DBF4B: variants seen among roughly 807,000 people sequenced by gnomAD.
DBF4B encodes protein DBF4 homolog B.
In DBF4B, 49 loss-of-function variants were observed where a neutral mutation model predicts 53.4. The ratio of observed to expected loss-of-function variants is 0.92; its 90% CI spans 0.73 to 1.16. The LOEUF is 1.16. Ranked by LOEUF, DBF4B falls within the 50% of genes most tolerant of loss-of-function variation. The pLI is 0.00. For missense variants in DBF4B, 692 were observed against 775.0 expected, an observed-to-expected ratio of 0.89 and a Z score of 1.27; for synonymous variants, 257 against 288.7, an observed-to-expected ratio of 0.89 and a Z score of 1.11.
intron 2 of DBF4B, chr17:44,719,860 T>C (rs528594844): frequency 9.0e-6 from 2 of 221,630 alleles, no homozygotes; most frequent in South Asian, 2.0e-4. Context: ...TTCTAAAACA[T>C]GTGAGTCCAC....
intron 5 of DBF4B, 22 bp downstream of exon 5, chr17:44,731,037 C>T (rs758523798): frequency 1.9e-5 from 30 of 1,613,924 alleles, no homozygotes; most frequent in Non-Finnish European, 2.5e-5. Flanking sequence ...CAAGATGGGA[C>T]AGAGCCGGTG....
At chr17:44,723,197 C>T (rs1458707425) in intron 3 of DBF4B, among the ~76,000 whole-genome samples, 175 bp downstream of exon 3, 1 of 152,206 alleles carries the variant, frequency 6.6e-6, no homozygotes, top group African/African-American at 2.4e-5. Flanking sequence ...ACCTCTGCCT[C>T]CCGGGTTCAA....
Position 44,729,844 on chromosome 17 carries a change from T to C in DBF4B, c.226-61T>C, listed in dbSNP as rs1040760022. On this transcript the variant is annotated intron_variant, in intron 3 of 13. Coordinates refer to ENST00000315005, the MANE Select transcript of DBF4B (RefSeq NM_145663.3). ...GCCAAGATTTCCTTCTCCAGCCTCT[T>C]TATATTGACAATTCTGCATTTGCTT... 6.7e-5 allele frequency: 106 copies of C among 1,573,100 alleles called. No individual in the cohort carries two copies. In the African/African-American group the frequency reaches 1.2e-3, roughly 17 times the overall value.
chr17:44,716,738 G>A (rs1973367345), intron 2 of DBF4B, among the ~76,000 whole-genome samples: 1 of 152,124 alleles, frequency 6.6e-6, no homozygotes, highest in African/African-American at 2.4e-5. Context: ...TGGGGTGGGA[G>A]AGGGTTCTGA....
At chr17:44,734,300 T>C (rs920346250) in intron 7 of DBF4B, 137 bp downstream of exon 7, 21 of 1,049,372 alleles carry the variant, frequency 2.0e-5, no homozygotes, top group Middle Eastern at 2.1e-4. Context: ...CAGCCTCTTA[T>C]TTACCTCAGT....
At chr17:44,714,905 C>T (rs2144772788) in intron 2 of DBF4B, among the ~76,000 whole-genome samples, 1 of 152,012 alleles carries the variant, frequency 6.6e-6, no homozygotes, top group East Asian at 1.9e-4. Context: ...TTCAGAGAGG[C>T]TCCCATAGGA....
chr17:44,736,223 A>G (rs1015025020), intron 7 of DBF4B, among the ~76,000 whole-genome samples: 9 of 151,712 alleles, frequency 5.9e-5, no homozygotes, highest in African/African-American at 2.2e-4. Flanking sequence ...AGCTCAAGCA[A>G]TCCACCTGCC....
chr17:44,744,426 A>G (rs993730860), intron 10 of DBF4B, among the ~76,000 whole-genome samples: 5 of 151,668 alleles, frequency 3.3e-5, no homozygotes, highest in African/African-American at 1.2e-4. Flanking sequence ...AAAAAAAAAA[A>G]TTGCATTCCC....
intron 13 of DBF4B, chr17:44,748,860 G>T (rs770804410): frequency 7.7e-7 from 1 of 1,291,082 alleles, no homozygotes; most frequent in East Asian, 5.5e-5. Context: ...ATGAGTCCAG[G>T]CTCCTCGCCT....
intron 3 of DBF4B, among the ~76,000 whole-genome samples, chr17:44,724,539 G>A (rs984023219): frequency 6.6e-6 from 1 of 152,124 alleles, no homozygotes; most frequent in Non-Finnish European, 1.5e-5. Context: ...CACCACGCCC[G>A]GCTAATTTTT....
intron 3 of DBF4B, among the ~76,000 whole-genome samples, chr17:44,724,522 C>T (rs1215455525): frequency 1.3e-5 from 2 of 152,158 alleles, no homozygotes; most frequent in African/African-American, 2.4e-5. Flanking sequence ...GGACTACAGG[C>T]GCCTATCACC....
In DBF4B at chr17:44,750,820, ACATG is replaced by A. The variant is rs770961249; in HGVS notation, c.1417_1420del (p.Met473ProfsTer43). On this transcript the variant is annotated frameshift_variant, in exon 14 of 14. Coordinates refer to ENST00000315005, the MANE Select transcript of DBF4B (RefSeq NM_145663.3). LOFTEE classifies it low-confidence loss of function (END_TRUNC). ...CCTGGGGAGTGGTCGCCTGCAGAGG[ACATG>A]CCCCTCCATCCCTCCCAAGAAAACT... 55 of 1,614,030 alleles carry A rather than the reference ACATG, an allele frequency of 3.4e-5. No homozygotes were observed. Among genetic ancestry groups the A allele is most frequent in the Non-Finnish European group, 3.4e-6 (4 of 1,180,036 alleles).
In DBF4B at chr17:44,736,855, G is replaced by C; in HGVS notation, c.656G>C (p.Arg219Thr). The change falls in exon 8 of 14, where the codon AGA becomes ACA. Residue 219 changes from arginine (R) to threonine (T), a missense_variant. Physicochemically the swap from Arg to Thr is moderately conservative, Grantham distance 71. Transcript: ENST00000315005. ...GGAACATGTCCAGCAGCAGAGTCAA[G>C]AACACGGAAAGGTCAGTGTGGTAGC... ...PEGTCPAAES[R>T]TRKVARLKAP... 1 of 1,614,026 alleles carries C rather than the reference G, an allele frequency of 6.2e-7. No individual in the cohort carries two copies. The highest frequency in any genetic ancestry group is 8.5e-7 in the Non-Finnish European group (1 of 1,179,958).
intron 2 of DBF4B, among the ~76,000 whole-genome samples, chr17:44,715,963 C>A (rs1973302345): frequency 6.6e-6 from 1 of 151,462 alleles, no homozygotes; most frequent in Non-Finnish European, 1.5e-5. Flanking sequence ...GCTAGGACCA[C>A]AGGTGCATGC....
At chr17:44,713,643 C>T (rs1001006690) in intron 2 of DBF4B, among the ~76,000 whole-genome samples, 4 of 151,856 alleles carry the variant, frequency 2.6e-5, no homozygotes, top group East Asian at 1.9e-4. Context: ...AGAAAGATTC[C>T]GTCTCAAAAA....
chr17:44,709,042 G>T, intron 1 of DBF4B: 1 of 777,890 alleles, frequency 1.3e-6, no homozygotes, highest in Non-Finnish European at 2.1e-6. Flanking sequence ...ACAACAGCCT[G>T]GAGGGATGTA....
At chr17:44,738,972 G>C (rs1199461226) in intron 9 of DBF4B, among the ~76,000 whole-genome samples, 3 of 152,202 alleles carry the variant, frequency 2.0e-5, no homozygotes, top group African/African-American at 7.2e-5. Context: ...AGCATGAGGA[G>C]AGCCCATCTC....
chr17:44,732,129 A>G, intron 5 of DBF4B, 49 bp from the exon 6 acceptor site: 1 of 1,593,960 alleles, frequency 6.3e-7, no homozygotes, highest in Non-Finnish European at 8.6e-7. Flanking sequence ...CTTCACTTTC[A>G]GGCCTTGGGG....
intron 5 of DBF4B, 151 bp from the exon 6 acceptor site, chr17:44,732,025 ACT>A: frequency 4.7e-6 from 3 of 639,748 alleles, no homozygotes; most frequent in Non-Finnish European, 8.1e-6. Flanking sequence ...GTTGGGATGG[ACT>A]CTCTGGGCAC....
Sources: gnomAD v4.1 joint callset for allele counts (sites outside exome capture counted in the v4.1 genomes callset) on GRCh38, gnomAD v4.1.1 for gene constraint, MANE v1.5 for transcripts, NCBI Gene and HGNC (gene_info 2026-07-23, HGNC 2026-07-21) for gene names.